The following WDR33 variants were observed in gnomAD, a reference collection of about 807,000 sequenced individuals.
The protein encoded by WDR33 is WD repeat domain 33.
WDR33 carries 47 observed loss-of-function variants against 164.9 expected under a neutral mutation model. The observed-to-expected ratio is 0.29, with a 90% CI of 0.23 to 0.36. The LOEUF (loss-of-function observed/expected upper bound fraction) is 0.36. WDR33 is among the 10% of genes least tolerant of loss of function. The pLI, the probability that WDR33 is intolerant of heterozygous loss-of-function variation, is 1.00. For synonymous variants in WDR33, 505 were observed against 589.0 expected (o/e 0.86, Z 2.06); for missense variants, 1,137 against 1,754.1 (o/e 0.65, Z 6.28).
At chr2:127,753,870 A>G (rs1687442105) in intron 7 of WDR33, among the ~76,000 whole-genome samples, 1 of 152,214 alleles carries the variant, frequency 6.6e-6, no homozygotes, top group Non-Finnish European at 1.5e-5. Flanking sequence ...AGAACAGTAA[A>G]GAAAAAGAAA....
intron 7 of WDR33, among the ~76,000 whole-genome samples, chr2:127,729,930 C>T (rs2105389765): frequency 6.6e-6 from 1 of 152,162 alleles, no homozygotes; most frequent in East Asian, 1.9e-4. Context: ...GTGTAGCATG[C>T]TAACATTTAG....
intron 7 of WDR33, among the ~76,000 whole-genome samples, chr2:127,733,245 T>C (rs1573897622): frequency 6.6e-6 from 1 of 152,104 alleles, no homozygotes; most frequent in Non-Finnish European, 1.5e-5. Flanking sequence ...CCAAATCTGC[T>C]CCAGACACTA....
At chr2:127,777,357 CCTCT>C (rs929500245) in intron 1 of WDR33, among the ~76,000 whole-genome samples, 1 of 152,120 alleles carries the variant, frequency 6.6e-6, no homozygotes, top group South Asian at 2.1e-4. Context: ...TGCCTGGCCC[CCTCT>C]CTATTTTTAG....
chr2:127,729,557 T>C (rs577944711), intron 7 of WDR33, among the ~76,000 whole-genome samples: 69 of 151,930 alleles, frequency 4.5e-4, no homozygotes, highest in African/African-American at 1.6e-3. Context: ...AGTGGCGCCA[T>C]CTCGGCTCAC....
At chr2:127,806,149 TTAA>T (rs895495899) in intron 1 of WDR33, among the ~76,000 whole-genome samples, 2 of 151,298 alleles carry the variant, frequency 1.3e-5, no homozygotes, top group African/African-American at 4.8e-5. Context: ...ATAAAAAATA[TTAA>T]TAAAATAAAT....
intron 1 of WDR33, among the ~76,000 whole-genome samples, chr2:127,806,862 G>A (rs764515916): frequency 6.6e-6 from 1 of 152,178 alleles, no homozygotes; most frequent in Non-Finnish European, 1.5e-5. Context: ...GGGAAAAGCA[G>A]TATATCTGCA....
chr2:127,809,653 C>T (rs1012374824), intron 1 of WDR33, among the ~76,000 whole-genome samples: 1 of 152,042 alleles, frequency 6.6e-6, no homozygotes, highest in African/African-American at 2.4e-5. Flanking sequence ...TCAGGCTGGT[C>T]TCGAACTCCT....
At position 127,720,411 on chromosome 2, in the gene WDR33, G is replaced by A; in HGVS notation, c.1672-58C>T. The A allele has an allele frequency of 6.8e-7, 1 of 1,478,860 alleles. No homozygotes were observed. Among genetic ancestry groups the A allele is most frequent in the Non-Finnish European group, 9.0e-7 (1 of 1,117,134 alleles). The allele number at this position is 1,478,860 out of a possible 1,614,324, so 91.6% of individuals were successfully genotyped here. On this transcript the variant is annotated intron_variant, in intron 15 of 21. Transcript: ENST00000322313. This position sits in a 1 kb window ranked among gnomAD's most constrained non-coding sequence, Gnocchi z 5.9. Reference sequence around the variant, plus strand: ...TAAACAGGCCAGAGCCCTTGAAGATGACAATATTGCTATCATGTATTCTGT... The same window carrying A: ...TAAACAGGCCAGAGCCCTTGAAGATAACAATATTGCTATCATGTATTCTGT...
chr2:127,702,107 C>T lies in WDR33; in HGVS notation c.*4216G>A, dbSNP rs1685907071. ...TTGGGCTGCTGCCCTGGGGCGGCGG[C>T]ACCGCGCTGCGCCTCGCACTGGGTC... On this transcript the variant is annotated 3_prime_UTR_variant, in exon 22 of 22. Transcript: ENST00000322313. 3 of 1,217,550 alleles carry T rather than the reference C, an allele frequency of 2.5e-6. No homozygotes were observed. The highest frequency in any genetic ancestry group is 6.8e-5 in the East Asian group (2 of 29,434). 75.4% of individuals were successfully genotyped at this position (1,217,550 alleles called of 1,614,324 possible). A position where few individuals can be genotyped will look rare whatever the true frequency, so the allele number is the denominator to read the frequency against.
chr2:127,809,098 C>G (rs180916116), intron 1 of WDR33, among the ~76,000 whole-genome samples: 12 of 148,194 alleles, frequency 8.1e-5, no homozygotes, highest in Admixed American at 4.0e-4. Flanking sequence ...TCACTAATAT[C>G]TTTGTCGTAA....
intron 7 of WDR33, among the ~76,000 whole-genome samples, chr2:127,749,695 G>A (rs1687262055): frequency 6.6e-6 from 1 of 150,542 alleles, no homozygotes; most frequent in African/African-American, 2.4e-5. Context: ...CCATAGTGTT[G>A]ACTACTTCCT....
At chr2:127,798,362 C>T (rs1689114031) in intron 1 of WDR33, among the ~76,000 whole-genome samples, 2 of 98,200 alleles carry the variant, frequency 2.0e-5, no homozygotes, top group African/African-American at 9.3e-5. Flanking sequence ...GGCGAGACAC[C>T]GTCGCAAAAA....
rs762454657 is a variant in WDR33, at chr2:127,709,512, G to A, written c.3543C>T (p.Ser1181=). ...PRFEGGRKPD[S]WDGNREPGPG... is the part of the protein sequence containing the mutation. ...TACCAGGCTCTCTGTTTCCATCCCA[G>A]GAATCTGGCTTCCGCCCTCCTTCAA... The change falls in exon 20 of 22, where the codon TCC becomes TCT. Residue 1181 remains serine, a synonymous_variant. Transcript: ENST00000322313. The surrounding 1 kb of genome is among the most constrained non-coding windows in gnomAD (Gnocchi z 5.0). 7 of 1,614,112 alleles carry A rather than the reference G, an allele frequency of 4.3e-6. No individual in the cohort carries two copies. In the East Asian group the frequency reaches 8.9e-5, roughly 21 times the overall value.
intron 7 of WDR33, among the ~76,000 whole-genome samples, chr2:127,750,536 A>G (rs775278995): frequency 6.7e-5 from 10 of 149,068 alleles, no homozygotes; most frequent in Admixed American, 3.3e-4. Flanking sequence ...AATCCCAGCT[A>G]CCCGAGAGGC....
At chr2:127,715,532 C>T (rs754623145) in intron 17 of WDR33, among the ~76,000 whole-genome samples, 2 of 152,308 alleles carry the variant, frequency 1.3e-5, no homozygotes, top group South Asian at 4.1e-4. Flanking sequence ...CTCATTTACT[C>T]GTCCTCTCCT....
chr2:127,783,135 T>C (rs1688432664), intron 1 of WDR33, among the ~76,000 whole-genome samples: 1 of 152,238 alleles, frequency 6.6e-6, no homozygotes, highest in African/African-American at 2.4e-5. Flanking sequence ...TTCCTAGTAC[T>C]ACTCCCCCAT....
At position 127,705,439 on chromosome 2, in the gene WDR33, A is replaced by G. The variant is rs1245936640; in HGVS notation, c.*884T>C. ...GAGGAAAACTTAATTAAGTGTTGCA[A>G]AATTGTTTGAGGACCTATTTTGGTC... On this transcript the variant is annotated 3_prime_UTR_variant, in exon 22 of 22. Coordinates refer to ENST00000322313, the MANE Select transcript of WDR33 (RefSeq NM_018383.5). The surrounding 1 kb of genome is among the most constrained non-coding windows in gnomAD (Gnocchi z 4.5). 4 of 152,414 alleles carry G rather than the reference A, an allele frequency of 2.6e-5. No homozygotes were observed. Among genetic ancestry groups the G allele is most frequent in the South Asian group, 2.1e-4 (1 of 4,828 alleles). 9.4% of individuals were successfully genotyped at this position (152,414 alleles called of 1,614,324 possible).
At chr2:127,786,115 C>T (rs1204426280) in intron 1 of WDR33, among the ~76,000 whole-genome samples, 1 of 152,200 alleles carries the variant, frequency 6.6e-6, no homozygotes, top group African/African-American at 2.4e-5. Context: ...CTCACTGCAG[C>T]TTAAACCTCC....
chr2:127,717,098 A>G lies in WDR33; in HGVS notation c.2869+57T>C. 1 of 1,521,374 alleles carries G rather than the reference A, an allele frequency of 6.6e-7. No homozygotes were observed. The highest frequency in any genetic ancestry group is 8.9e-7 in the Non-Finnish European group (1 of 1,118,298). The allele number at this position is 1,521,374 out of a possible 1,614,324, so 94.2% of individuals were successfully genotyped here. ...ACTGGCCAACAAAATTATTCACTGTAAAATGTGCACAAAGGTGGTAGAATA... is the reference window on the plus strand; with the variant it reads ...ACTGGCCAACAAAATTATTCACTGTGAAATGTGCACAAAGGTGGTAGAATA... On this transcript the variant is annotated intron_variant, in intron 17 of 21. Transcript: ENST00000322313. The surrounding 1 kb of genome is among the most constrained non-coding windows in gnomAD (Gnocchi z 5.6).
Sources: allele counts gnomAD v4.1 joint callset (sites outside exome capture counted in the v4.1 genomes callset), GRCh38; gene constraint gnomAD v4.1.1; non-coding constraint Gnocchi (gnomAD v3.1); transcripts MANE v1.5; gene names NCBI Gene and HGNC (gene_info 2026-07-23, HGNC 2026-07-21).